Variants in COL22A1 observed in about 807,000 individuals in gnomAD.
COL22A1 encodes the protein collagen alpha-1(XXII) chain.
In COL22A1, 221 loss-of-function variants were observed where a neutral mutation model predicts 248.9. The ratio of observed to expected loss-of-function variants is 0.89; its 90% CI spans 0.80 to 0.99. The LOEUF is 0.99. Among genes scored for constraint, COL22A1 ranks in the 50% least tolerant of loss-of-function variants. COL22A1 has a pLI of 0.00. For synonymous variants in COL22A1, 891 were observed against 793.4 expected (o/e 1.12, Z -2.07); for missense variants, 2,240 against 2,179.0 (o/e 1.03, Z -0.56).
intron 15 of COL22A1, among the ~76,000 whole-genome samples, chr8:138,776,225 G>A (rs1162579052): frequency 6.6e-6 from 1 of 152,198 alleles, no homozygotes; most frequent in Non-Finnish European, 1.5e-5. Context: ...CTTCCAGAGT[G>A]AGACGTGAGT....
At chr8:138,654,847 C>T (rs774093076) in intron 45 of COL22A1, among the ~76,000 whole-genome samples, 14 of 152,308 alleles carry the variant, frequency 9.2e-5, no homozygotes, top group Admixed American at 4.6e-4. Flanking sequence ...CTTTTCCTCT[C>T]GTGGGAAAAG....
At chr8:138,844,737 T>C (rs1452571939) in intron 3 of COL22A1, among the ~76,000 whole-genome samples, 2 of 151,658 alleles carry the variant, frequency 1.3e-5, no homozygotes, top group African/African-American at 4.8e-5. Context: ...GATCACGAGG[T>C]CAGGAGATCG....
At chr8:138,862,534 CTTTT>C (rs1177432234) in intron 3 of COL22A1, among the ~76,000 whole-genome samples, 1 of 68,266 alleles carries the variant, frequency 1.5e-5, no homozygotes, top group African/African-American at 6.1e-5. Context: ...ACCCTTCTTC[CTTTT>C]TTCTTACCCT....
At chr8:138,831,803 T>C (rs35835134) in intron 5 of COL22A1, among the ~76,000 whole-genome samples, 81,333 of 151,954 alleles carry the variant, frequency 0.54, 22,696 homozygotes, top group East Asian at 0.67. Context: ...TAAATATTAA[T>C]AGTTTAAAGA....
intron 3 of COL22A1, among the ~76,000 whole-genome samples, chr8:138,864,493 T>C (rs2131974116): frequency 6.6e-6 from 1 of 151,954 alleles, no homozygotes; most frequent in East Asian, 1.9e-4. Context: ...CTTTAAGGAG[T>C]CCAAGGATGC....
intron 51 of COL22A1, among the ~76,000 whole-genome samples, chr8:138,624,519 GAAAATAGCAT>G (rs1252990309): frequency 6.6e-6 from 1 of 152,144 alleles, no homozygotes. Context: ...ATATTATTAA[GAAAATAGCAT>G]AATCATATGT....
chr8:138,720,728 A>G lies in COL22A1; in HGVS notation c.2355+11T>C, dbSNP rs1167917209. On this transcript the variant is annotated intron_variant, in intron 27 of 64. Coordinates refer to ENST00000303045, the MANE Select transcript of COL22A1 (RefSeq NM_152888.3). ...AGCAAGCATAATGGGAAAAAGAGGC[A>G]AAGTCCATACCCGAAGGCCTGGTTT... The G allele has an allele frequency of 6.8e-6, 11 of 1,611,854 alleles. No homozygotes were observed. Among genetic ancestry groups the G allele is most frequent in the Admixed American group, 1.7e-5 (1 of 59,996 alleles).
intron 2 of COL22A1, among the ~76,000 whole-genome samples, chr8:138,880,048 A>T (rs1824073954): frequency 6.6e-6 from 1 of 152,192 alleles, no homozygotes. Flanking sequence ...AAACTTAGTG[A>T]TTTATCCCAA....
rs775690619 is a variant in COL22A1 at position 138,844,183 on chromosome 8, G to C, written c.659-25C>G. 5 of 1,607,674 alleles carry C rather than the reference G, an allele frequency of 3.1e-6. No homozygotes were observed. The South Asian group carries it at 4.4e-5, about 14-fold the overall frequency. ...TCTGAGGAAAGCAAGAGGAAACAGA[G>C]ACTGATGAGAAAATGTGACCCATCG... On this transcript the variant is annotated intron_variant, in intron 3 of 64. Transcript: ENST00000303045.
chr8:138,760,380 C>T, intron 17 of COL22A1, 93 bp from the exon 18 acceptor site: 1 of 1,200,582 alleles, frequency 8.3e-7, no homozygotes, highest in Admixed American at 2.4e-5. Context: ...CAGCTGCCCA[C>T]TGTGGCTAGA....
chr8:138,883,725 C>T (rs1008055374), intron 1 of COL22A1, among the ~76,000 whole-genome samples: 2 of 150,112 alleles, frequency 1.3e-5, no homozygotes, highest in East Asian at 2.0e-4. Context: ...CACATATTCG[C>T]TCTCCTGCCA....
intron 26 of COL22A1, 131 bp from the exon 27 acceptor site, chr8:138,720,923 C>T (rs1304525649): frequency 1.1e-5 from 8 of 741,978 alleles, no homozygotes; most frequent in East Asian, 5.1e-5. Context: ...TTCAACTCTG[C>T]GATTACCTAA....
At chr8:138,668,176 G>GT (rs762853673) in intron 41 of COL22A1, among the ~76,000 whole-genome samples, 10 of 152,054 alleles carry the variant, frequency 6.6e-5, no homozygotes, top group Admixed American at 1.3e-4. Flanking sequence ...TTGTGGTTCT[G>GT]TTTTTTAAAA....
At chr8:138,813,627 CGTT>C in intron 7 of COL22A1, among the ~76,000 whole-genome samples, 1 of 65,224 alleles carries the variant, frequency 1.5e-5, no homozygotes, top group Non-Finnish European at 3.9e-5. Context: ...CTTCAGGACA[CGTT>C]AAAGTCCAGC....
Position 138,774,332 on chromosome 8 carries a change from G to A in COL22A1, c.1803+1634C>T, listed in dbSNP as rs375781737. On this transcript the variant is annotated intron_variant, in intron 16 of 64. Transcript: ENST00000303045. ...TGCTTTGACCAGTAATTTCACTTCT[G>A]GGAAAGCAGCCTAAGGAAATAATCA... 9.2e-5 allele frequency among the ~76,000 whole-genome samples: 14 copies of A among 151,918 alleles called. No individual in the cohort carries two copies. The South Asian group carries it at 1.9e-3, about 21-fold the overall frequency.
chr8:138,617,097 G>C, intron 53 of COL22A1, 139 bp from the exon 54 acceptor site: 3 of 854,114 alleles, frequency 3.5e-6, no homozygotes, highest in South Asian at 2.9e-5. Flanking sequence ...AGCCCTACTT[G>C]GTGCCATGCT....
Position 138,619,341 on chromosome 8 carries a change from A to C in COL22A1, c.3825+114T>G, listed in dbSNP as rs1587689661. 4.8e-6 allele frequency: 4 copies of C among 825,888 alleles called. No homozygotes were observed. In the East Asian group the frequency reaches 7.4e-5, roughly 15 times the overall value. The allele number at this position is 825,888 out of a possible 1,614,324, so 51.2% of individuals were successfully genotyped here. A position where few individuals can be genotyped will look rare whatever the true frequency, so the allele number is the denominator to read the frequency against. On this transcript the variant is annotated intron_variant, in intron 53 of 64. Coordinates refer to ENST00000303045, the MANE Select transcript of COL22A1 (RefSeq NM_152888.3). ...CAGAAGCACAGCCGTCTGGAGGAGA[A>C]GGACTTCTAGGACCCCACGGTTGGG...
intron 50 of COL22A1, 148 bp from the exon 51 acceptor site, chr8:138,626,391 C>A: frequency 1.4e-6 from 1 of 711,244 alleles, no homozygotes; most frequent in Non-Finnish European, 2.4e-6. Context: ...TCATGGCTTT[C>A]TGAGCTGTTT....
In COL22A1 at chr8:138,589,030, T is replaced by C. The variant is rs1564066755; in HGVS notation, c.*223A>G. Reference sequence around the variant, plus strand: ...TCAGCATATGAAATAATAATAATAATTAACAACAACAATAATATTAATAAT... The same window carrying C: ...TCAGCATATGAAATAATAATAATAACTAACAACAACAATAATATTAATAAT... On this transcript the variant is annotated 3_prime_UTR_variant, in exon 65 of 65. Transcript: ENST00000303045. 8 of 459,798 alleles carry C rather than the reference T, an allele frequency of 1.7e-5. No individual in the cohort carries two copies. Among genetic ancestry groups the C allele is most frequent in the Non-Finnish European group, 2.3e-5 (6 of 263,314 alleles). 28.5% of individuals were successfully genotyped at this position (459,798 alleles called of 1,614,324 possible). A position where few individuals can be genotyped will look rare whatever the true frequency, so the allele number is the denominator to read the frequency against.
Sources: allele counts gnomAD v4.1 joint callset (sites outside exome capture counted in the v4.1 genomes callset), GRCh38; gene constraint gnomAD v4.1.1; transcripts MANE v1.5; gene names NCBI Gene and HGNC (gene_info 2026-07-23, HGNC 2026-07-21).